The following ZC3H14 variants were observed in gnomAD, a reference collection of about 807,000 sequenced individuals.
The protein encoded by ZC3H14 is zinc finger CCCH-type containing 14.
Under a neutral mutation model 92.4 loss-of-function variants are expected in ZC3H14, and 31 were observed. The ratio of observed to expected loss-of-function variants is 0.34; its 90% CI spans 0.25 to 0.45. ZC3H14 has a LOEUF of 0.45. Among genes scored for constraint, ZC3H14 ranks in the 20% least tolerant of loss-of-function variants. ZC3H14 has a pLI of 1.00. For missense variants in ZC3H14, 781 were observed against 897.3 expected (o/e 0.87, Z 1.66); for synonymous variants, 321 against 300.9 (o/e 1.07, Z -0.69).
In ZC3H14 at chr14:88,603,050, C is replaced by G. The variant is rs2084872999; in HGVS notation, c.1737C>G (p.Ser579Arg). The G allele has an allele frequency of 1.2e-6, 2 of 1,614,122 alleles. No individual in the cohort carries two copies. The highest frequency in any genetic ancestry group is 1.7e-6 in the Non-Finnish European group (2 of 1,179,998). Residue 579 changes from serine to arginine, a missense_variant, in exon 12 of 17, where the codon AGC (serine) becomes AGG (arginine). Physicochemically the swap from Ser to Arg is moderately radical, Grantham distance 110. Coordinates refer to ENST00000251038, the MANE Select transcript of ZC3H14 (RefSeq NM_024824.5). ...GGCAGCTTGAGGACCCAAATGGTAG[C>G]TTTTCTAACGGTGTGTTGAGAGCTC... ...LSRQLEDPNG[S>R]FSNAEMSELS...
intron 3 of ZC3H14, among the ~76,000 whole-genome samples, chr14:88,569,965 CTG>C (rs762980912): frequency 2.6e-5 from 4 of 152,272 alleles, no homozygotes; most frequent in Non-Finnish European, 2.9e-5. Flanking sequence ...CAAAAAAAGA[CTG>C]TGGGTCTTTT....
chr14:88,620,991 A>C lies in ZC3H14; in HGVS notation c.*9240A>C. 1 of 1,471,394 alleles carries C rather than the reference A, an allele frequency of 6.8e-7. No homozygotes were observed. The highest frequency in any genetic ancestry group is 1.4e-5 in the South Asian group (1 of 69,724). 91.1% of individuals were successfully genotyped at this position (1,471,394 alleles called of 1,614,324 possible). On this transcript the variant is annotated 3_prime_UTR_variant, in exon 17 of 17. Coordinates refer to ENST00000251038, the MANE Select transcript of ZC3H14 (RefSeq NM_024824.5). The surrounding 1 kb of genome is among the most constrained non-coding windows in gnomAD (Gnocchi z 4.3). ...ATTAAGTGAAGTACTTCTAAATTATACCAGTTTCCCCTCAAAATGCTCAAC... is the reference window on the plus strand; with the variant it reads ...ATTAAGTGAAGTACTTCTAAATTATCCCAGTTTCCCCTCAAAATGCTCAAC...
intron 10 of ZC3H14, among the ~76,000 whole-genome samples, chr14:88,599,173 C>T (rs1480063935): frequency 6.6e-6 from 1 of 151,948 alleles, no homozygotes; most frequent in Non-Finnish European, 1.5e-5. Flanking sequence ...TTTTGCCTGC[C>T]ATTTCTTCCA....
intron 7 of ZC3H14, 88 bp from the exon 8 acceptor site, chr14:88,575,752 A>G: frequency 2.8e-6 from 3 of 1,069,334 alleles, no homozygotes; most frequent in East Asian, 4.8e-5. Context: ...AAACCTAGAG[A>G]AGGTTGTGGT....
chr14:88,584,494 G>A (rs1057070959), intron 9 of ZC3H14, among the ~76,000 whole-genome samples: 5 of 152,200 alleles, frequency 3.3e-5, no homozygotes, highest in South Asian at 2.1e-4. Flanking sequence ...ACATGATACC[G>A]CTTGTAGTTG....
At chr14:88,593,457 G>A (rs909697488) in intron 9 of ZC3H14, among the ~76,000 whole-genome samples, 2 of 152,214 alleles carry the variant, frequency 1.3e-5, no homozygotes, top group African/African-American at 4.8e-5. Flanking sequence ...GCAAGGTTAT[G>A]TTGCTTGATT....
chr14:88,574,568 C>A, intron 6 of ZC3H14, 125 bp from the exon 7 acceptor site: 1 of 1,240,522 alleles, frequency 8.1e-7, no homozygotes, highest in Non-Finnish European at 1.2e-6. Flanking sequence ...TACATAAAAC[C>A]AAGAAATACT....
At chr14:88,581,858 C>G (rs1465828513) in intron 9 of ZC3H14, among the ~76,000 whole-genome samples, 1 of 152,206 alleles carries the variant, frequency 6.6e-6, no homozygotes, top group Non-Finnish European at 1.5e-5. Context: ...TAACTAGTCA[C>G]CTTCTGGAAG....
intron 10 of ZC3H14, among the ~76,000 whole-genome samples, chr14:88,599,189 T>C (rs1389449746): frequency 6.6e-6 from 1 of 152,208 alleles, no homozygotes; most frequent in East Asian, 1.9e-4. Flanking sequence ...TTCCATTTCT[T>C]CCTAAGGTCC....
chr14:88,585,967 G>A (rs778643195), intron 9 of ZC3H14, among the ~76,000 whole-genome samples: 2 of 152,066 alleles, frequency 1.3e-5, no homozygotes, highest in African/African-American at 2.4e-5. Context: ...TCAGGAGTTC[G>A]AGACCAGCCT....
intron 6 of ZC3H14, among the ~76,000 whole-genome samples, chr14:88,573,497 G>A (rs187555753): frequency 7.9e-5 from 12 of 152,182 alleles, no homozygotes; most frequent in East Asian, 5.8e-4. Context: ...GTGATGGCGC[G>A]ATCTCAACTC....
At chr14:88,591,625 A>G (rs1438233078) in intron 9 of ZC3H14, 1 of 152,224 alleles carries the variant, frequency 6.6e-6, no homozygotes, top group Non-Finnish European at 1.5e-5. Context: ...ACATTCAAAG[A>G]AAATGGAAAA....
Position 88,618,084 on chromosome 14 carries a change from T to G in ZC3H14, c.*6333T>G. Reference sequence around the variant, plus strand: ...TATTCAATAAAAAGGGGTCCCAACATGAACATACCATTTCAAAATATGGTA... The same window carrying G: ...TATTCAATAAAAAGGGGTCCCAACAGGAACATACCATTTCAAAATATGGTA... On this transcript the variant is annotated 3_prime_UTR_variant, in exon 17 of 17. Transcript: ENST00000251038. The G allele has an allele frequency of 1.9e-6, 1 of 529,246 alleles. No individual in the cohort carries two copies. The highest frequency in any genetic ancestry group is 3.3e-6 in the Non-Finnish European group (1 of 306,960). 32.8% of individuals were successfully genotyped at this position (529,246 alleles called of 1,614,324 possible).
intron 12 of ZC3H14, among the ~76,000 whole-genome samples, chr14:88,605,191 G>A (rs2085194090): frequency 6.6e-6 from 1 of 152,102 alleles, no homozygotes; most frequent in South Asian, 2.1e-4. Context: ...AGTCTGCTGT[G>A]TGTAATTTAT....
At chr14:88,565,165 T>C (rs554161345) in intron 2 of ZC3H14, among the ~76,000 whole-genome samples, 1 of 152,266 alleles carries the variant, frequency 6.6e-6, no homozygotes, top group Non-Finnish European at 1.5e-5. Context: ...TTTTTTGAGA[T>C]GGAATTTCAC....
rs2088959962 is a variant in ZC3H14 at position 88,621,625 on chromosome 14, T to C, written c.*9874T>C. On this transcript the variant is annotated 3_prime_UTR_variant, in exon 17 of 17. Transcript: ENST00000251038. ...AAACTGGGGTCAGTGCAGTGGGATATAGGAAAAAATAATAGAATTTATTTT... is the reference window on the plus strand; with the variant it reads ...AAACTGGGGTCAGTGCAGTGGGATACAGGAAAAAATAATAGAATTTATTTT... 4 of 354,832 alleles carry C rather than the reference T, an allele frequency of 1.1e-5. No individual in the cohort carries two copies. Among genetic ancestry groups the C allele is most frequent in the Non-Finnish European group, 2.1e-5 (4 of 190,152 alleles). The allele number at this position is 354,832 out of a possible 1,614,324, so 22.0% of individuals were successfully genotyped here. A position where few individuals can be genotyped will look rare whatever the true frequency, so the allele number is the denominator to read the frequency against.
chr14:88,586,493 T>C (rs1292946072), intron 9 of ZC3H14: 1 of 152,230 alleles, frequency 6.6e-6, no homozygotes, highest in Non-Finnish European at 1.5e-5. Flanking sequence ...ACCTTATATA[T>C]ATTATTATCC....
intron 4 of ZC3H14, 75 bp from the exon 5 acceptor site, chr14:88,571,955 T>TC: frequency 1.6e-6 from 2 of 1,225,470 alleles, no homozygotes; most frequent in South Asian, 3.5e-5. Context: ...AGAGCGAGAC[T>TC]CCATCTCAAA....
intron 2 of ZC3H14, among the ~76,000 whole-genome samples, chr14:88,564,048 T>G (rs761040730): frequency 6.6e-6 from 1 of 152,150 alleles, no homozygotes; most frequent in Non-Finnish European, 1.5e-5. Flanking sequence ...AGCAATTATC[T>G]GACCTTAGCC....
Sources: gnomAD v4.1 joint callset for allele counts (sites outside exome capture counted in the v4.1 genomes callset) on GRCh38, gnomAD v4.1.1 for gene constraint, Gnocchi (gnomAD v3.1) non-coding constraint, MANE v1.5 for transcripts, NCBI Gene and HGNC (gene_info 2026-07-23, HGNC 2026-07-21) for gene names.